Variants in AP1B1 observed in about 807,000 individuals in gnomAD.
AP1B1 encodes the protein AP-1 complex subunit beta-1.
AP1B1 carries 36 observed loss-of-function variants against 104.3 expected under a neutral mutation model. The observed-to-expected ratio is 0.35, with a 90% confidence interval of 0.26 to 0.46. The LOEUF is 0.46. Ranked by LOEUF, AP1B1 falls within the 20% of genes least tolerant of loss-of-function variation. AP1B1 has a pLI of 1.00. For missense variants in AP1B1, 901 were observed against 1,247.9 expected, an observed-to-expected ratio of 0.72 and a Z score of 4.19; for synonymous variants, 504 against 517.5, an observed-to-expected ratio of 0.97 and a Z score of 0.35.
At position 29,328,513 on chromosome 22, in the gene AP1B1, C is replaced by T. The variant is rs1389821395; in HGVS notation, c.*308G>A. On this transcript the variant is annotated 3_prime_UTR_variant, in exon 23 of 23. Coordinates refer to ENST00000357586, the MANE Select transcript of AP1B1 (RefSeq NM_001127.4). This position sits in a 1 kb window ranked among gnomAD's most constrained non-coding sequence, Gnocchi z 4.1. Reference sequence around the variant, plus strand: ...GTGAGCCGGAGGGGCAAGCTCCACACTCACCCTTCAGGCACAGCTTCTGTG... The same window carrying T: ...GTGAGCCGGAGGGGCAAGCTCCACATTCACCCTTCAGGCACAGCTTCTGTG... 10 of 332,074 alleles carry T rather than the reference C, an allele frequency of 3.0e-5. No homozygotes were observed. The highest frequency in any genetic ancestry group is 1.1e-5 in the Non-Finnish European group (2 of 175,456). The allele number at this position is 332,074 out of a possible 1,614,324, so 20.6% of individuals were successfully genotyped here.
Position 29,358,939 on chromosome 22 carries a change from G to C in AP1B1, c.312C>G (p.Ala104=). The C allele has an allele frequency of 6.2e-7, 1 of 1,612,168 alleles. No homozygotes were observed. The highest frequency in any genetic ancestry group is 8.5e-7 in the Non-Finnish European group (1 of 1,179,436). ...TGCAGCCCATGGTCCGCACTGCCAG[G>C]GCTCGGATGAGGGGGTTGGGGTCCT... The part of the protein sequence containing the change: ...DCEDPNPLIR[A]LAVRTMGCIR... The change falls in exon 5 of 23, where the codon GCC becomes GCG. Residue 104 remains alanine, a synonymous_variant. Coordinates refer to ENST00000357586, the MANE Select transcript of AP1B1 (RefSeq NM_001127.4).
At chr22:29,352,249 G>A (rs2061887910) in intron 7 of AP1B1, among the ~76,000 whole-genome samples, 1 of 152,234 alleles carries the variant, frequency 6.6e-6, no homozygotes, top group African/African-American at 2.4e-5. Flanking sequence ...AGAAGGCCTG[G>A]CACGTGGCAA....
chr22:29,340,808 C>T lies in AP1B1; in HGVS notation c.1846G>A (p.Gly616Arg), dbSNP rs893359559. 6.2e-7 allele frequency: 1 copy of T among 1,600,608 alleles called. No individual in the cohort carries two copies. Among genetic ancestry groups the T allele is most frequent in the Middle Eastern group, 1.7e-4 (1 of 5,902 alleles). ...PETAPTGAPP[G>R]EQPDVIPAQG... ...GCGGGGATGACATCTGGCTGCTCCC[C>T]AGGAGGTGCTCCAGTAGGGGCTGTC... Residue 616 changes from glycine to arginine, a missense_variant, in exon 14 of 23, where the codon GGG becomes AGG. Gly to Arg is a moderately radical substitution (Grantham distance 125). Transcript: ENST00000357586.
intron 2 of AP1B1, among the ~76,000 whole-genome samples, chr22:29,365,005 G>A (rs1161975859): frequency 1.3e-5 from 2 of 152,094 alleles, no homozygotes; most frequent in African/African-American, 4.8e-5. Context: ...CACCATGCCC[G>A]GCCCCTCTAA....
At position 29,338,727 on chromosome 22, in the gene AP1B1, C is replaced by T. The variant is rs564493405; in HGVS notation, c.2163+263G>A. ...GGCCGTGGTCTCCCTTCCCTCCAGG[C>T]CTTACCACAGACTGTTCCCTTGGTC... On this transcript the variant is annotated intron_variant, in intron 16 of 22. Coordinates refer to ENST00000357586, the MANE Select transcript of AP1B1 (RefSeq NM_001127.4). Among the ~76,000 whole-genome samples the T allele has an allele frequency of 4.8e-4, 73 of 152,286 alleles. 3 individuals carry two copies. In the South Asian group the frequency reaches 0.015, roughly 31 times the overall value.
chr22:29,359,727 A>G, intron 4 of AP1B1, 97 bp downstream of exon 4: 1 of 1,493,828 alleles, frequency 6.7e-7, no homozygotes. Context: ...GAAGGTCTGG[A>G]CTCCATCCAG....
chr22:29,365,368 G>A (rs2519488), intron 2 of AP1B1, among the ~76,000 whole-genome samples: 2 of 151,992 alleles, frequency 1.3e-5, no homozygotes, highest in African/African-American at 4.8e-5. Flanking sequence ...AAAAATAGCT[G>A]GGCATGGTGG....
intron 16 of AP1B1, 27 bp downstream of exon 16, chr22:29,338,963 C>G (rs59074009): frequency 6.2e-7 from 1 of 1,613,436 alleles, no homozygotes. Context: ...TCTCTGCTCC[C>G]GCCAAGACAG....
chr22:29,330,794 C>A lies in AP1B1; in HGVS notation c.2525-85G>T, dbSNP rs576322881. 90 of 1,192,862 alleles carry A rather than the reference C, an allele frequency of 7.5e-5. 1 individual carries two copies. In the African/African-American group the frequency reaches 1.3e-3, roughly 17 times the overall value. The allele number at this position is 1,192,862 out of a possible 1,614,324, so 73.9% of individuals were successfully genotyped here. On this transcript the variant is annotated intron_variant, in intron 19 of 22. Transcript: ENST00000357586. ...GTAGCTCAGCAGGAAATGGGTCTGG[C>A]CTTTACTGTGCCACGTGAAAGCTGA...
chr22:29,371,930 G>A (rs979766271), intron 1 of AP1B1, among the ~76,000 whole-genome samples: 3 of 152,116 alleles, frequency 2.0e-5, no homozygotes, highest in Admixed American at 6.6e-5. Flanking sequence ...GCATTTACAG[G>A]CCAAGAAATG....
rs1354718641 is a variant in AP1B1, at chr22:29,388,511, C to G, written c.-115G>C. ...GCCTCCACCTCTCGCTCTCCCGGTG[C>G]GTCCGGGCTGCCGGCGGCTCGGAGC... On this transcript the variant is annotated 5_prime_UTR_variant, in exon 1 of 23. Transcript: ENST00000357586. 1 of 152,258 alleles carries G rather than the reference C, an allele frequency of 6.6e-6. No individual in the cohort carries two copies. Among genetic ancestry groups the G allele is most frequent in the Admixed American group, 6.5e-5 (1 of 15,292 alleles). The allele number at this position is 152,258 out of a possible 1,614,324, so 9.4% of individuals were successfully genotyped here.
At chr22:29,339,679 C>A in intron 15 of AP1B1, 75 bp downstream of exon 15, 1 of 1,530,388 alleles carries the variant, frequency 6.5e-7, no homozygotes, top group Non-Finnish European at 8.9e-7. Context: ...CCCGCCCCCG[C>A]CCCTTGGGAT....
intron 9 of AP1B1, among the ~76,000 whole-genome samples, chr22:29,350,563 G>A (rs747669593): frequency 2.0e-5 from 3 of 152,120 alleles, no homozygotes; most frequent in Non-Finnish European, 2.9e-5. Context: ...CTGCTCTCAC[G>A]GCCTGCTCTG....
At chr22:29,360,794 T>C (rs1240435591) in intron 3 of AP1B1, among the ~76,000 whole-genome samples, 101 of 151,266 alleles carry the variant, frequency 6.7e-4, no homozygotes, top group Non-Finnish European at 9.4e-4. Context: ...CAGGCCTTCT[T>C]AAGATGTGAA....
rs2061726632 is a variant in AP1B1, at chr22:29,342,270, G to A, written c.1536+15C>T. On this transcript the variant is annotated intron_variant, in intron 12 of 22. Transcript: ENST00000357586. ...AGGGCTATGCTGGGCACAGCGGGGAGGTTGGGGCACCCACCTGAGTGGCCA... is the reference window on the plus strand; with the variant it reads ...AGGGCTATGCTGGGCACAGCGGGGAAGTTGGGGCACCCACCTGAGTGGCCA... The A allele has an allele frequency of 2.5e-6, 4 of 1,608,868 alleles. No homozygotes were observed. Among genetic ancestry groups the A allele is most frequent in the Non-Finnish European group, 3.4e-6 (4 of 1,175,924 alleles).
At position 29,327,865 on chromosome 22, in the gene AP1B1, G is replaced by A. The variant is rs1219103194; in HGVS notation, c.*956C>T. The A allele has an allele frequency of 6.6e-6, 1 of 152,236 alleles. No homozygotes were observed. The highest frequency in any genetic ancestry group is 1.5e-5 in the Non-Finnish European group (1 of 68,030). 9.4% of individuals were successfully genotyped at this position (152,236 alleles called of 1,614,324 possible). A position where few individuals can be genotyped will look rare whatever the true frequency, so the allele number is the denominator to read the frequency against. On this transcript the variant is annotated 3_prime_UTR_variant, in exon 23 of 23. Transcript: ENST00000357586. ...AAAAAAGTGTCCGTGATTGCCAAAAGCCGAATCTTTCTTTATTATTACACA... is the reference window on the plus strand; with the variant it reads ...AAAAAAGTGTCCGTGATTGCCAAAAACCGAATCTTTCTTTATTATTACACA...
Position 29,354,679 on chromosome 22 carries a change from C to T in AP1B1, c.909G>A (p.Leu303=), listed in dbSNP as rs1293399889. The T allele has an allele frequency of 3.7e-6, 6 of 1,614,058 alleles. No homozygotes were observed. The South Asian group carries it at 5.5e-5, about 15-fold the overall frequency. Residue 303 remains leucine (L), a synonymous_variant, in exon 7 of 23, where the codon CTG becomes CTA. Coordinates refer to ENST00000357586, the MANE Select transcript of AP1B1 (RefSeq NM_001127.4). ...TCTGCACGATGAGATTGATGTTGCGCAGGGCCACATACTGCAGCTCTGGCT... is the reference window on the plus strand; with the variant it reads ...TCTGCACGATGAGATTGATGTTGCGTAGGGCCACATACTGCAGCTCTGGCT... ...SAEPELQYVA[L]RNINLIVQKR...
intron 1 of AP1B1, among the ~76,000 whole-genome samples, chr22:29,383,337 T>A (rs1463402495): frequency 6.6e-6 from 1 of 152,146 alleles, no homozygotes; most frequent in African/African-American, 2.4e-5. Context: ...GTAAAAAGTA[T>A]CTACCACCCA....
chr22:29,337,759 C>A (rs2061658571), intron 16 of AP1B1, among the ~76,000 whole-genome samples: 1 of 152,188 alleles, frequency 6.6e-6, no homozygotes, highest in South Asian at 2.1e-4. Context: ...CGGCTCCTCC[C>A]TCCCAGGGAG....
Sources: allele counts gnomAD v4.1 joint callset (sites outside exome capture counted in the v4.1 genomes callset), GRCh38; gene constraint gnomAD v4.1.1; non-coding constraint Gnocchi (gnomAD v3.1); transcripts MANE v1.5; gene names NCBI Gene and HGNC (gene_info 2026-07-23, HGNC 2026-07-21).